ZNF81: variants seen among roughly 807,000 people sequenced by gnomAD.
ZNF81 encodes zinc finger protein 81.
In ZNF81, 5 loss-of-function variants were observed where a neutral mutation model predicts 32.3. That is an observed-to-expected ratio of 0.15 (90% CI 0.08 to 0.33). The LOEUF is 0.33. Ranked by LOEUF, ZNF81 falls within the 10% of genes least tolerant of loss-of-function variation. The probability of loss-of-function intolerance (pLI) is 1.00; values close to 1 mark genes in which losing one functional copy is unlikely to be tolerated. For synonymous variants in ZNF81, 163 were observed against 166.8 expected, an observed-to-expected ratio of 0.98 and a Z score of 0.17; for missense variants, 379 against 479.8, an observed-to-expected ratio of 0.79 and a Z score of 1.96.
intron 4 of ZNF81, among the ~76,000 whole-genome samples, chrX:47,900,183 C>A (rs1207238923): frequency 2.7e-5 from 3 of 111,258 alleles, no homozygotes; most frequent in Non-Finnish European, 5.7e-5. Context: ...GGAGGATTGA[C>A]ACTACCAAAT....
intron 4 of ZNF81, among the ~76,000 whole-genome samples, chrX:47,896,385 T>C (rs1417059868): frequency 2.7e-5 from 3 of 111,528 alleles, no homozygotes; most frequent in Non-Finnish European, 5.6e-5. Context: ...TCTTGCACTT[T>C]ATTCTTTCTT....
At chrX:47,842,969 A>G (rs1449957954) in intron 1 of ZNF81, among the ~76,000 whole-genome samples, 2 of 112,049 alleles carry the variant, frequency 1.8e-5, no homozygotes, top group Non-Finnish European at 3.8e-5. Flanking sequence ...GCATTTTACT[A>G]GGGAAGCACT....
At chrX:47,911,728 A>G (rs1331419237) in intron 4 of ZNF81, among the ~76,000 whole-genome samples, 1 of 111,698 alleles carries the variant, frequency 9.0e-6, no homozygotes, top group Non-Finnish European at 1.9e-5. Context: ...TTAGGAGTCT[A>G]TTACAGGGAT....
chrX:47,897,347 C>A (rs1260241645), intron 4 of ZNF81, among the ~76,000 whole-genome samples: 5 of 111,721 alleles, frequency 4.5e-5, no homozygotes. Flanking sequence ...GCTTATTGAC[C>A]ATTTGTACAT....
chrX:47,877,233 C>A (rs1172679417), intron 2 of ZNF81, among the ~76,000 whole-genome samples: 1 of 111,651 alleles, frequency 9.0e-6, no homozygotes, highest in Admixed American at 9.5e-5. Flanking sequence ...AGGATGGTCC[C>A]TTGGGCGACT....
rs1352392481 is a variant in ZNF81 at position 47,917,694 on chromosome X, G to A, written c.*1062G>A. ...TTCCAAGACCTCTAGCCCCAGCTGA[G>A]CCAGCCTAGCCCAGAAGAGCCATAC... On this transcript the variant is annotated 3_prime_UTR_variant, in exon 5 of 5. Transcript: ENST00000338637. 7.0e-6 allele frequency: 1 copy of A among 143,444 alleles called. No individual in the cohort carries two copies. Among genetic ancestry groups the A allele is most frequent in the Non-Finnish European group, 1.3e-5 (1 of 74,251 alleles). 11.8% of individuals were successfully genotyped at this position (143,444 alleles called of 1,213,427 possible). A position where few individuals can be genotyped will look rare whatever the true frequency, so the allele number is the denominator to read the frequency against.
intron 1 of ZNF81, among the ~76,000 whole-genome samples, chrX:47,843,229 C>T (rs1192965849): frequency 9.0e-6 from 1 of 111,362 alleles, no homozygotes; most frequent in Non-Finnish European, 1.9e-5. Context: ...CCATTCATCA[C>T]TTGATGGACA....
At chrX:47,874,820 G>A (rs1028452319) in intron 2 of ZNF81, among the ~76,000 whole-genome samples, 2 of 112,028 alleles carry the variant, frequency 1.8e-5, no homozygotes, top group Admixed American at 9.4e-5. Flanking sequence ...ACACAGTCTT[G>A]TATCTCAGTT....
intron 1 of ZNF81, among the ~76,000 whole-genome samples, chrX:47,843,504 T>G (rs1180015103): frequency 9.2e-6 from 1 of 109,157 alleles, no homozygotes; most frequent in South Asian, 4.0e-4. Context: ...AGAGTTTTTT[T>G]TATGACATTG....
rs782491957 is a variant in ZNF81, at chrX:47,888,126, G to A, written c.181+1G>A. 19 of 1,205,859 alleles carry A rather than the reference G, an allele frequency of 1.6e-5. No individual in the cohort carries two copies. ...AACTACAGCCACCTGCTCTCAGTGGGTAAGGACAACCATCCTGTGAAGTTG... is the reference window on the plus strand; with the variant it reads ...AACTACAGCCACCTGCTCTCAGTGGATAAGGACAACCATCCTGTGAAGTTG... On this transcript the variant is annotated splice_donor_variant, in intron 3 of 4. Coordinates refer to ENST00000338637, the MANE Select transcript of ZNF81 (RefSeq NM_007137.5). LOFTEE classifies it high-confidence loss of function.
chrX:47,897,041 C>T (rs781850118), intron 4 of ZNF81, among the ~76,000 whole-genome samples: 49 of 112,029 alleles, frequency 4.4e-4, no homozygotes, highest in Middle Eastern at 4.6e-3. Flanking sequence ...TGAACATTCT[C>T]GTATGTCTTT....
In ZNF81 at chrX:47,922,711, G is replaced by A. The variant is rs781987966; in HGVS notation, c.*6079G>A. 1.3e-4 allele frequency among the ~76,000 whole-genome samples: 14 copies of A among 111,213 alleles called. No homozygotes were observed. In the South Asian group the frequency reaches 5.0e-3, roughly 39 times the overall value. ...ACTAAGAAGCATATTTCTTTCCTCG[G>A]GCTGCTATAACAAAGTACCACAAAT... On this transcript the variant is annotated 3_prime_UTR_variant, in exon 5 of 5. Transcript: ENST00000338637.
At chrX:47,901,745 T>G (rs1334452327) in intron 4 of ZNF81, among the ~76,000 whole-genome samples, 5 of 92,890 alleles carry the variant, frequency 5.4e-5, no homozygotes, top group African/African-American at 2.1e-4. Context: ...TGAGAGAGAT[T>G]GGTCTTTAGT....
chrX:47,840,923 A>G (rs1481349088), intron 1 of ZNF81: 8 of 472,772 alleles, frequency 1.7e-5, no homozygotes, highest in East Asian at 3.7e-5. Flanking sequence ...ACATGCTTCC[A>G]CTTCATTGAT....
At chrX:47,913,170 G>T (rs1245415830) in intron 4 of ZNF81, among the ~76,000 whole-genome samples, 5 of 111,800 alleles carry the variant, frequency 4.5e-5, no homozygotes, top group African/African-American at 1.6e-4. Flanking sequence ...TTGGATGTTT[G>T]CTGATAAGCA....
intron 1 of ZNF81, among the ~76,000 whole-genome samples, chrX:47,838,846 G>A (rs1431038474): frequency 2.7e-5 from 3 of 111,757 alleles, no homozygotes; most frequent in Non-Finnish European, 5.6e-5. Context: ...GAATGCAGTG[G>A]TGTGACCATG....
chrX:47,865,218 C>T (rs1403177238), intron 2 of ZNF81, among the ~76,000 whole-genome samples: 9 of 111,752 alleles, frequency 8.1e-5, no homozygotes, highest in Admixed American at 4.7e-4. Flanking sequence ...TGGGGACAGG[C>T]CAGTTATACT....
At chrX:47,844,547 C>T (rs1165398427) in intron 1 of ZNF81, among the ~76,000 whole-genome samples, 13 of 112,027 alleles carry the variant, frequency 1.2e-4, no homozygotes, top group Non-Finnish European at 2.1e-4. Flanking sequence ...TGTATATATG[C>T]GAAATTTTGT....
intron 4 of ZNF81, 52 bp downstream of exon 4, chrX:47,895,992 C>A: frequency 2.1e-6 from 2 of 939,708 alleles, no homozygotes; most frequent in Non-Finnish European, 3.0e-6. Flanking sequence ...TTTTTTTTTC[C>A]CTAAGGAAGA....
Sources: allele counts gnomAD v4.1 joint callset (sites outside exome capture counted in the v4.1 genomes callset), GRCh38; gene constraint gnomAD v4.1.1; transcripts MANE v1.5; gene names NCBI Gene and HGNC (gene_info 2026-07-23, HGNC 2026-07-21).